The following TRERF1 variants were observed in gnomAD, a reference collection of about 807,000 sequenced individuals.
TRERF1 encodes the protein transcriptional regulating factor 1.
A neutral mutation model predicts 122.9 loss-of-function variants in TRERF1; 27 were observed. The ratio of observed to expected loss-of-function variants is 0.22; its 90% confidence interval spans 0.16 to 0.30. TRERF1 has a LOEUF of 0.30. Among genes scored for constraint, TRERF1 ranks in the 10% least tolerant of loss-of-function variants. The pLI, the probability that TRERF1 is intolerant of heterozygous loss-of-function variation, is 1.00. For missense variants in TRERF1, 1,248 were observed against 1,560.3 expected (o/e 0.80, Z 3.37); for synonymous variants, 636 against 641.7 (o/e 0.99, Z 0.13).
chr6:42,425,420 G>C (rs1483619205), intron 2 of TRERF1, among the ~76,000 whole-genome samples: 1 of 149,858 alleles, frequency 6.7e-6, no homozygotes, highest in African/African-American at 2.5e-5. Context: ...AAAGTGCCCA[G>C]TCACAGAGCA....
At chr6:42,334,569 C>G (rs975124211) in intron 3 of TRERF1, among the ~76,000 whole-genome samples, 1 of 152,146 alleles carries the variant, frequency 6.6e-6, no homozygotes, top group East Asian at 1.9e-4. Context: ...CTAGGCCTGT[C>G]CCTTAGACTG....
chr6:42,246,357 T>C, intron 14 of TRERF1, 99 bp downstream of exon 14: 1 of 934,276 alleles, frequency 1.1e-6, no homozygotes, highest in Admixed American at 2.2e-5. Flanking sequence ...ACATCCTTTT[T>C]GTAAGTATCT....
exon 16 of TRERF1, chr6:42,236,300 G>C (rs1562112837): frequency 6.2e-7 from 1 of 1,610,456 alleles, no homozygotes. Context: ...ACGGGGACGG[G>C]TGGTGGCTCC....
At chr6:42,295,236 T>G (rs1784900442) in intron 4 of TRERF1, among the ~76,000 whole-genome samples, 1 of 152,216 alleles carries the variant, frequency 6.6e-6, no homozygotes, top group Admixed American at 6.5e-5. Context: ...AAATAATTTT[T>G]TGGTGCTCCC....
intron 12 of TRERF1, among the ~76,000 whole-genome samples, chr6:42,256,037 G>A (rs1381060206): frequency 6.6e-6 from 1 of 151,822 alleles, no homozygotes; most frequent in Non-Finnish European, 1.5e-5. Flanking sequence ...AGGCTGAGGA[G>A]GGAGAATCGC....
At position 42,258,194 on chromosome 6, in the gene TRERF1, G is replaced by C. The variant is rs149678756; in HGVS notation, c.2277C>G (p.Ile759Met). 1.1e-4 allele frequency: 178 copies of C among 1,614,020 alleles called. No individual in the cohort carries two copies. The highest frequency in any genetic ancestry group is 4.9e-4 in the Middle Eastern group (3 of 6,084). The change falls in exon 10 of 18, where the codon ATC becomes ATG. Residue 759 changes from isoleucine (I) to methionine (M), a missense_variant. By Grantham distance (10) the Ile-to-Met change is conservative. Coordinates refer to ENST00000372922, the Ensembl canonical transcript of TRERF1. ...GGGTGACCGTCACGTTGCTGCCATC[G>C]ATGCTGTCTAAAACACAAAAATCAG...
intron 10 of TRERF1, 95 bp from the exon 11 acceptor site, chr6:42,257,197 G>T: frequency 6.9e-7 from 1 of 1,441,956 alleles, no homozygotes. Context: ...AAGGAAACTA[G>T]TTCTTTCTGC....
chr6:42,324,766 G>T (rs1453065850), intron 3 of TRERF1, among the ~76,000 whole-genome samples: 5 of 152,162 alleles, frequency 3.3e-5, no homozygotes, highest in Non-Finnish European at 5.9e-5. Context: ...ATGGATTAAA[G>T]ACTTAAATGT....
chr6:42,389,994 G>A (rs1212001690), intron 2 of TRERF1, among the ~76,000 whole-genome samples: 2 of 152,170 alleles, frequency 1.3e-5, no homozygotes, highest in Non-Finnish European at 2.9e-5. Context: ...TAAGCTTGAC[G>A]GGGTTTTGTT....
rs144077422 is a variant in TRERF1 at position 42,269,367 on chromosome 6, C to T, written c.224G>A (p.Gly75Asp). 2.5e-4 allele frequency: 402 copies of T among 1,614,048 alleles called. 1 individual carries two copies. Among genetic ancestry groups the T allele is most frequent in the Non-Finnish European group, 3.2e-4 (379 of 1,180,040 alleles). Reference sequence around the variant, plus strand: ...TCCCTGCCTCGAGGTATCCATTTGGCCAAGGTTTTTGGAGCCAACAGGCAA... The same window carrying T: ...TCCCTGCCTCGAGGTATCCATTTGGTCAAGGTTTTTGGAGCCAACAGGCAA... Residue 75 changes from glycine to aspartate, a missense_variant, in exon 5 of 18, where the codon GGC becomes GAC. By Grantham distance (94) the Gly-to-Asp change is moderately conservative. Around this residue, in one of 5 missense-constraint regions of TRERF1, gnomAD observed 946 missense variants for 1,073.0 expected, o/e 0.88. Transcript: ENST00000372922. This position sits in a 1 kb window ranked among gnomAD's most constrained non-coding sequence, Gnocchi z 4.9.
chr6:42,386,154 G>A (rs1776762842), intron 2 of TRERF1, among the ~76,000 whole-genome samples: 1 of 152,240 alleles, frequency 6.6e-6, no homozygotes, highest in Non-Finnish European at 1.5e-5. Context: ...TTGGGAGTTT[G>A]AGGCCGACAT....
intron 2 of TRERF1, among the ~76,000 whole-genome samples, chr6:42,371,850 T>C (rs1773830081): frequency 6.6e-6 from 1 of 152,130 alleles, no homozygotes; most frequent in South Asian, 2.1e-4. Context: ...CACTGTTCTG[T>C]TTAAGTAGGA....
At chr6:42,299,087 T>C (rs1003352349) in intron 4 of TRERF1, among the ~76,000 whole-genome samples, 2 of 135,074 alleles carry the variant, frequency 1.5e-5, no homozygotes, top group Non-Finnish European at 3.2e-5. Context: ...AAAATATCTA[T>C]CTATCTATCT....
chr6:42,282,193 A>G (rs1246174016), intron 4 of TRERF1, among the ~76,000 whole-genome samples: 2 of 152,230 alleles, frequency 1.3e-5, no homozygotes, highest in African/African-American at 4.8e-5. Context: ...GCCTAACCAT[A>G]AGGGATTGAT....
At chr6:42,331,101 G>A (rs1307681679) in intron 3 of TRERF1, among the ~76,000 whole-genome samples, 1 of 152,200 alleles carries the variant, frequency 6.6e-6, no homozygotes, top group Non-Finnish European at 1.5e-5. Flanking sequence ...AAAATATGCT[G>A]TAGGACTTCT....
rs571711526 is a variant in TRERF1, at chr6:42,417,838, G to T, written c.-454+33339C>A. On this transcript the variant is annotated intron_variant, in intron 2 of 17. Transcript: ENST00000372922. ...CTATGATGCCAGACTTGCATTCAAA[G>T]AAATGGCTAGCTGCGCCAAGAACTC... is the stretch of plus-strand genomic sequence containing the variant. Among the ~76,000 whole-genome samples the T allele has an allele frequency of 7.9e-5, 12 of 152,338 alleles. No individual in the cohort carries two copies. The East Asian group carries it at 1.9e-3, about 24-fold the overall frequency.
In TRERF1 at chr6:42,258,176, C is replaced by T. The variant is rs373180822; in HGVS notation, c.2295G>A (p.Thr765=). ...TCTGCTCTCCAGGCCCTGGGGTGAC[C>T]GTCACGTTGCTGCCATCGATGCTGT... Residue 765 remains threonine (T), a synonymous_variant, in exon 10 of 18, where the codon ACG becomes ACA. Coordinates refer to ENST00000372922, the Ensembl canonical transcript of TRERF1. 4.2e-5 allele frequency: 68 copies of T among 1,614,038 alleles called. No individual in the cohort carries two copies. The East Asian group carries it at 1.0e-3, about 24-fold the overall frequency.
At chr6:42,252,754 AAGG>A (rs1391871815) in intron 13 of TRERF1, among the ~76,000 whole-genome samples, 1 of 152,168 alleles carries the variant, frequency 6.6e-6, no homozygotes, top group East Asian at 1.9e-4. Context: ...GGAAACTGTT[AAGG>A]AGATGGTTTT....
chr6:42,259,027 G>A lies in TRERF1; in HGVS notation c.2269+312C>T, dbSNP rs1316142583. ...TGGGATTACAGGTGTGAGCCACCGC[G>A]CCCGGTCTCATTTTTTCTCTCTTGC... On this transcript the variant is annotated intron_variant, in intron 9 of 17. Transcript: ENST00000372922. This position sits in a 1 kb window ranked among gnomAD's most constrained non-coding sequence, Gnocchi z 4.9. 2.0e-5 allele frequency among the ~76,000 whole-genome samples: 3 copies of A among 152,030 alleles called. No individual in the cohort carries two copies. The highest frequency in any genetic ancestry group is 2.0e-4 in the Admixed American group (3 of 15,270).
Sources: allele counts gnomAD v4.1 joint callset (sites outside exome capture counted in the v4.1 genomes callset), GRCh38; gene constraint gnomAD v4.1.1; regional missense constraint gnomAD v4.1.1; non-coding constraint Gnocchi (gnomAD v3.1); transcripts MANE v1.5; gene names NCBI Gene and HGNC (gene_info 2026-07-23, HGNC 2026-07-21).